TENM2: variants seen among roughly 807,000 people sequenced by gnomAD.
The protein encoded by TENM2 is teneurin-2.
In TENM2, 52 loss-of-function variants were observed where a neutral mutation model predicts 245.2. The observed-to-expected ratio is 0.21, with a 90% confidence interval of 0.17 to 0.27. TENM2 has a LOEUF of 0.27. Ranked by LOEUF, TENM2 falls within the 10% of genes least tolerant of loss-of-function variation. The pLI is 1.00. For missense variants in TENM2, 3,046 were observed against 3,666.8 expected (o/e 0.83, Z 4.37); for synonymous variants, 1,363 against 1,438.9 (o/e 0.95, Z 1.19).
rs188736996 is a variant in TENM2 at position 167,621,951 on chromosome 5, C to T, written c.502+246478C>T. On this transcript the variant is annotated intron_variant, in intron 2 of 28. Coordinates refer to ENST00000518659, the Ensembl canonical transcript of TENM2. ...TCATTTTTACTTCTCACAAGAAGTT[C>T]GTACTACATTATAAAAATCTTAAAG... is the stretch of plus-strand genomic sequence containing the variant. Among the ~76,000 whole-genome samples the T allele has an allele frequency of 1.5e-4, 23 of 152,222 alleles. No homozygotes were observed. In the East Asian group the frequency reaches 2.9e-3, roughly 19 times the overall value.
chr5:167,588,842 A>C (rs278013), intron 2 of TENM2, among the ~76,000 whole-genome samples: 56,510 of 152,026 alleles, frequency 0.37, 14,706 homozygotes, highest in African/African-American at 0.74. Context: ...TATGATTGGA[A>C]CCCATTTAAT....
In TENM2 at chr5:167,434,148, G is replaced by A. The variant is rs140614289; in HGVS notation, c.502+58675G>A. ...TTCATTCAGATAATTAGGGCTGGGCGCAGTGGCTCACGCCTGTAATACCAG... is the reference window on the plus strand; with the variant it reads ...TTCATTCAGATAATTAGGGCTGGGCACAGTGGCTCACGCCTGTAATACCAG... On this transcript the variant is annotated intron_variant, in intron 2 of 28. Coordinates refer to ENST00000518659, the Ensembl canonical transcript of TENM2. Among the ~76,000 whole-genome samples the A allele has an allele frequency of 3.1e-3, 478 of 151,988 alleles. 5 individuals carry two copies. The highest frequency in any genetic ancestry group is 0.011 in the African/African-American group (452 of 41,496).
chr5:168,112,685 C>T (rs1287636124), intron 9 of TENM2, among the ~76,000 whole-genome samples: 3 of 151,438 alleles, frequency 2.0e-5, no homozygotes, highest in South Asian at 2.1e-4. Context: ...GGAAACTCAC[C>T]TTTCTGACAC....
chr5:168,178,800 A>G (rs1759586246), intron 13 of TENM2, among the ~76,000 whole-genome samples: 1 of 152,206 alleles, frequency 6.6e-6, no homozygotes, highest in Non-Finnish European at 1.5e-5. Context: ...AACAGAAGTC[A>G]AGAGGCTTTG....
Position 167,751,498 on chromosome 5 carries a change from C to T in TENM2, c.503-124488C>T, listed in dbSNP as rs1039959858. ...TGTACACAGAATTATTACAGTGTTG[C>T]ATGTGATAGTGCCATGAGAATTAAG... is the stretch of plus-strand genomic sequence containing the variant. On this transcript the variant is annotated intron_variant, in intron 2 of 28. Transcript: ENST00000518659. 1.3e-5 allele frequency among the ~76,000 whole-genome samples: 2 copies of T among 151,996 alleles called. 1 individual carries two copies. The highest frequency in any genetic ancestry group is 1.3e-4 in the Admixed American group (2 of 15,256).
At chr5:167,768,245 A>G (rs1007733016) in intron 2 of TENM2, among the ~76,000 whole-genome samples, 1 of 152,122 alleles carries the variant, frequency 6.6e-6, no homozygotes, top group South Asian at 2.1e-4. Context: ...TGGCTTCCAC[A>G]TAAGTAGATA....
chr5:167,878,136 G>T (rs1721923914), intron 3 of TENM2, among the ~76,000 whole-genome samples: 1 of 152,208 alleles, frequency 6.6e-6, no homozygotes, highest in Admixed American at 6.5e-5. Flanking sequence ...AATGCAGTAA[G>T]TGATTTCCTT....
At chr5:167,170,533 C>G in the TENM2 span, among the ~76,000 whole-genome samples, 3 of 152,080 alleles carry the variant, frequency 2.0e-5, no homozygotes, top group South Asian at 4.1e-4. Flanking sequence ...TGGCATGTCA[C>G]GTATCATGTA....
At chr5:167,480,885 G>T (rs955941203) in intron 2 of TENM2, among the ~76,000 whole-genome samples, 1 of 152,074 alleles carries the variant, frequency 6.6e-6, no homozygotes, top group Non-Finnish European at 1.5e-5. Flanking sequence ...CTAAATATTT[G>T]ATGTTATTTC....
At chr5:167,492,090 G>A (rs1768466856) in intron 2 of TENM2, among the ~76,000 whole-genome samples, 1 of 152,158 alleles carries the variant, frequency 6.6e-6, no homozygotes, top group African/African-American at 2.4e-5. Flanking sequence ...TGTTGAGCAA[G>A]AGAGAAGTTG....
chr5:167,388,555 GT>G (rs544098897), intron 2 of TENM2, among the ~76,000 whole-genome samples: 5 of 150,026 alleles, frequency 3.3e-5, no homozygotes, highest in African/African-American at 1.2e-4. Flanking sequence ...TTTGGGTTTG[GT>G]TTTTTTTTGT....
chr5:167,280,934 A>G (rs1771021438), upstream of TENM2, among the ~76,000 whole-genome samples: 1 of 151,676 alleles, frequency 6.6e-6, no homozygotes, highest in South Asian at 2.1e-4. Flanking sequence ...TCATAATCTT[A>G]CATGTTTTAT....
At chr5:167,249,434 TTTCCTTCTTTCC>T in the TENM2 span, among the ~76,000 whole-genome samples, 7 of 152,120 alleles carry the variant, frequency 4.6e-5, no homozygotes, top group African/African-American at 7.2e-5. Context: ...CCCGTTCTTC[TTTCCTTCTTTCC>T]TTCCTTCTTT....
chr5:167,640,974 C>T (rs1779575269), intron 2 of TENM2, among the ~76,000 whole-genome samples: 1 of 142,148 alleles, frequency 7.0e-6, no homozygotes, highest in South Asian at 2.3e-4. Context: ...CACCTGAAAA[C>T]TTGTCAAAAA....
the TENM2 span, among the ~76,000 whole-genome samples, chr5:167,016,281 C>CA: frequency 0.05 from 3,972 of 78,902 alleles, 87 homozygotes; most frequent in Non-Finnish European, 0.064. Context: ...AACAAACAAA[C>CA]AAAAAAAAAA....
chr5:168,233,109 C>G (rs567362197), intron 25 of TENM2, among the ~76,000 whole-genome samples: 3 of 152,148 alleles, frequency 2.0e-5, no homozygotes, highest in African/African-American at 7.2e-5. Flanking sequence ...GGGTGGATCA[C>G]GAGGTCAGGA....
chr5:168,145,320 C>T (rs1159306171), intron 12 of TENM2, among the ~76,000 whole-genome samples: 9 of 145,002 alleles, frequency 6.2e-5, no homozygotes, highest in Admixed American at 2.8e-4. Flanking sequence ...TTAGATCTAA[C>T]GTTTAAGTCT....
chr5:167,529,969 T>A (rs1771384562), intron 2 of TENM2, among the ~76,000 whole-genome samples: 1 of 152,144 alleles, frequency 6.6e-6, no homozygotes, highest in Non-Finnish European at 1.5e-5. Context: ...GTTATATACA[T>A]TATCTATCAC....
chr5:166,987,902 A>G, the TENM2 span, among the ~76,000 whole-genome samples: 1 of 152,204 alleles, frequency 6.6e-6, no homozygotes, highest in Non-Finnish European at 1.5e-5. Flanking sequence ...AATGTTCTCT[A>G]AAGGATTGTA....
Sources: gnomAD v4.1 joint callset for allele counts (sites outside exome capture counted in the v4.1 genomes callset) on GRCh38, gnomAD v4.1.1 for gene constraint, MANE v1.5 for transcripts, NCBI Gene and HGNC (gene_info 2026-07-23, HGNC 2026-07-21) for gene names.